The following PIP4K2A variants were observed in gnomAD, a reference collection of about 807,000 sequenced individuals.
PIP4K2A encodes phosphatidylinositol 5-phosphate 4-kinase type-2 alpha.
Under a neutral mutation model 42.9 loss-of-function variants are expected in PIP4K2A, and 14 were observed. The observed-to-expected ratio is 0.33, with a 90% CI of 0.22 to 0.51. The LOEUF (loss-of-function observed/expected upper bound fraction) is 0.51, where lower values mean the gene tolerates loss of function less well. PIP4K2A is among the 20% of genes least tolerant of loss of function. The probability of loss-of-function intolerance (pLI) is 0.97; values close to 1 mark genes in which losing one functional copy is unlikely to be tolerated. For missense variants in PIP4K2A, 434 were observed against 519.8 expected, an observed-to-expected ratio of 0.83 and a Z score of 1.61; for synonymous variants, 192 against 192.2, an observed-to-expected ratio of 1.00 and a Z score of 0.01.
chr10:22,570,219 T>C (rs1433144048), intron 5 of PIP4K2A, among the ~76,000 whole-genome samples: 2 of 152,236 alleles, frequency 1.3e-5, no homozygotes, highest in South Asian at 2.1e-4. Context: ...ATGTATCTTA[T>C]TTAATTCTCA....
intron 1 of PIP4K2A, among the ~76,000 whole-genome samples, chr10:22,637,259 T>C (rs1253693051): frequency 2.6e-5 from 4 of 152,168 alleles, no homozygotes; most frequent in African/African-American, 9.7e-5. Flanking sequence ...ATGGCTCTTT[T>C]CAAACCGTTA....
chr10:22,571,227 A>C (rs1836979940), intron 5 of PIP4K2A, among the ~76,000 whole-genome samples: 1 of 152,214 alleles, frequency 6.6e-6, no homozygotes, highest in Non-Finnish European at 1.5e-5. Flanking sequence ...GTTTATTTAG[A>C]TCTGGGCATG....
chr10:22,709,978 G>A (rs1833885870), intron 1 of PIP4K2A, among the ~76,000 whole-genome samples: 1 of 150,082 alleles, frequency 6.7e-6, no homozygotes, highest in Non-Finnish European at 1.5e-5. Flanking sequence ...GTCCTATTCA[G>A]TCAAAGTCAT....
At chr10:22,651,486 A>C (rs1212897246) in intron 1 of PIP4K2A, among the ~76,000 whole-genome samples, 1 of 151,798 alleles carries the variant, frequency 6.6e-6, no homozygotes, top group Non-Finnish European at 1.5e-5. Flanking sequence ...CCACGCAGCA[A>C]CTCTGCCTGG....
chr10:22,613,026 T>G (rs926782485), intron 1 of PIP4K2A, among the ~76,000 whole-genome samples: 1 of 151,416 alleles, frequency 6.6e-6, no homozygotes, highest in East Asian at 1.9e-4. Context: ...GAGAAGAGGA[T>G]GAGAAAGGGG....
chr10:22,596,186 C>T (rs528098509), intron 3 of PIP4K2A, among the ~76,000 whole-genome samples: 115 of 78,782 alleles, frequency 1.5e-3, no homozygotes, highest in Admixed American at 5.8e-3. Context: ...GCCTGGGCAA[C>T]AAGAGCAAAA....
intron 6 of PIP4K2A, among the ~76,000 whole-genome samples, chr10:22,567,300 A>C (rs926976303): frequency 6.6e-6 from 1 of 152,170 alleles, no homozygotes; most frequent in Non-Finnish European, 1.5e-5. Context: ...CCTAAGGTCC[A>C]ATAAGCCAGG....
intron 3 of PIP4K2A, among the ~76,000 whole-genome samples, chr10:22,600,382 G>A (rs144625149): frequency 5.9e-5 from 9 of 152,188 alleles, no homozygotes; most frequent in East Asian, 3.9e-4. Flanking sequence ...ATCTCCTCAC[G>A]GTGGCACAGT....
intron 1 of PIP4K2A, among the ~76,000 whole-genome samples, chr10:22,641,362 C>T (rs568273481): frequency 4.6e-5 from 7 of 152,304 alleles, no homozygotes; most frequent in Middle Eastern, 3.4e-3. Context: ...TACATTAACA[C>T]GCTGACATTG....
At chr10:22,642,797 G>A (rs1230448558) in intron 1 of PIP4K2A, among the ~76,000 whole-genome samples, 1 of 151,944 alleles carries the variant, frequency 6.6e-6, no homozygotes, top group Non-Finnish European at 1.5e-5. Flanking sequence ...GGTAAGAGAA[G>A]GAAATTGGTC....
chr10:22,711,654 T>C (rs555303695), intron 1 of PIP4K2A, among the ~76,000 whole-genome samples: 2 of 152,380 alleles, frequency 1.3e-5, no homozygotes, highest in East Asian at 3.9e-4. Context: ...AATGAGCGTT[T>C]TACCACAGTA....
At chr10:22,574,560 AC>A (rs1837068118) in intron 4 of PIP4K2A, among the ~76,000 whole-genome samples, 1 of 151,880 alleles carries the variant, frequency 6.6e-6, no homozygotes, top group South Asian at 2.1e-4. Flanking sequence ...ATATTTAACC[AC>A]CTTAAGAATG....
At chr10:22,539,755 G>C in intron 9 of PIP4K2A, 1 of 561,412 alleles carries the variant, frequency 1.8e-6, no homozygotes. Flanking sequence ...TGTGGGTTCT[G>C]TATCTTACGC....
At chr10:22,581,319 G>C (rs1837273872) in intron 4 of PIP4K2A, among the ~76,000 whole-genome samples, 1 of 152,190 alleles carries the variant, frequency 6.6e-6, no homozygotes, top group Non-Finnish European at 1.5e-5. Flanking sequence ...AATAGGTGCT[G>C]AAAATCTACT....
chr10:22,650,065 T>A (rs927049882), intron 1 of PIP4K2A, among the ~76,000 whole-genome samples: 1 of 152,100 alleles, frequency 6.6e-6, no homozygotes, highest in Non-Finnish European at 1.5e-5. Context: ...GGGATTTGGC[T>A]CAAACATTTG....
chr10:22,555,335 A>G (rs1195358768), intron 6 of PIP4K2A, among the ~76,000 whole-genome samples: 5 of 152,186 alleles, frequency 3.3e-5, no homozygotes, highest in African/African-American at 7.2e-5. Context: ...ATTTGCAAAC[A>G]TAGGGTTGTG....
intron 3 of PIP4K2A, among the ~76,000 whole-genome samples, chr10:22,602,002 G>A (rs1837792439): frequency 6.6e-6 from 1 of 152,128 alleles, no homozygotes; most frequent in Non-Finnish European, 1.5e-5. Context: ...TTACATGGTG[G>A]GTGACGGAGG....
At chr10:22,554,544 A>T (rs1046798891) in intron 6 of PIP4K2A, among the ~76,000 whole-genome samples, 26 of 152,264 alleles carry the variant, frequency 1.7e-4, no homozygotes, top group African/African-American at 6.3e-4. Context: ...AGAAACAGCC[A>T]GAGGGTGGAA....
chr10:22,634,980 T>C (rs550201777), intron 1 of PIP4K2A, among the ~76,000 whole-genome samples: 2 of 152,220 alleles, frequency 1.3e-5, no homozygotes, highest in East Asian at 1.9e-4. Flanking sequence ...GTAATCTACA[T>C]CTTTTAGAGA....
Sources: allele counts gnomAD v4.1 joint callset (sites outside exome capture counted in the v4.1 genomes callset), GRCh38; gene constraint gnomAD v4.1.1; transcripts MANE v1.5; gene names NCBI Gene and HGNC (gene_info 2026-07-23, HGNC 2026-07-21).